The following FHIP1A variants were observed in gnomAD, a reference collection of about 807,000 sequenced individuals.
FHIP1A encodes the protein FHF complex subunit HOOK-interacting protein 1A.
FHIP1A carries 61 observed loss-of-function variants against 88.6 expected under a neutral mutation model. That is an observed-to-expected ratio of 0.69 (90% CI 0.56 to 0.85). The LOEUF (loss-of-function observed/expected upper bound fraction) is 0.85. Ranked by LOEUF, FHIP1A falls within the 40% of genes least tolerant of loss-of-function variation. The pLI is 0.00. For synonymous variants in FHIP1A, 478 were observed against 496.0 expected (o/e 0.96, Z 0.48); for missense variants, 1,154 against 1,273.5 (o/e 0.91, Z 1.43).
At chr4:151,530,976 T>G (rs56301462) in intron 3 of FHIP1A, among the ~76,000 whole-genome samples, 78,820 of 151,830 alleles carry the variant, frequency 0.52, 20,752 homozygotes, top group African/African-American at 0.55. Flanking sequence ...ATTCCCAAAG[T>G]GGGGAGCTGT....
intron 7 of FHIP1A, among the ~76,000 whole-genome samples, chr4:151,620,352 C>CTTTA (rs1735689786): frequency 1.3e-5 from 2 of 152,172 alleles, no homozygotes; most frequent in South Asian, 4.1e-4. Flanking sequence ...CATCTGCTTA[C>CTTTA]CAAACTGTGG....
chr4:151,578,769 CTT>C (rs1733911998), intron 5 of FHIP1A, among the ~76,000 whole-genome samples: 1 of 152,164 alleles, frequency 6.6e-6, no homozygotes, highest in Non-Finnish European at 1.5e-5. Context: ...GTGTTGAAAA[CTT>C]ATGTCCACCC....
intron 3 of FHIP1A, among the ~76,000 whole-genome samples, chr4:151,563,958 T>G (rs1733278477): frequency 7.4e-6 from 1 of 135,064 alleles, no homozygotes. Context: ...GCTTCTGCAC[T>G]CCAGCCTGGT....
chr4:151,574,909 G>A (rs1313328787), intron 4 of FHIP1A, among the ~76,000 whole-genome samples: 2 of 134,432 alleles, frequency 1.5e-5, no homozygotes, highest in East Asian at 2.1e-4. Context: ...TGAGTCAATA[G>A]TATTTTTTTT....
At chr4:151,582,996 A>C (rs1009045623) in intron 5 of FHIP1A, among the ~76,000 whole-genome samples, 6 of 152,188 alleles carry the variant, frequency 3.9e-5, no homozygotes, top group African/African-American at 1.4e-4. Context: ...AGCACTCCGT[A>C]TCCCCTTGGG....
chr4:151,529,299 G>A (rs764111194), intron 3 of FHIP1A, among the ~76,000 whole-genome samples: 3 of 152,184 alleles, frequency 2.0e-5, no homozygotes, highest in Non-Finnish European at 2.9e-5. Context: ...GGAATCAAAA[G>A]GCTGAGGGAT....
At chr4:151,539,773 A>G (rs781631866) in intron 3 of FHIP1A, among the ~76,000 whole-genome samples, 20 of 152,138 alleles carry the variant, frequency 1.3e-4, no homozygotes, top group Non-Finnish European at 2.2e-4. Flanking sequence ...GCATTGTTAC[A>G]GTAATTACAT....
intron 7 of FHIP1A, among the ~76,000 whole-genome samples, chr4:151,620,068 C>T (rs1360765773): frequency 1.3e-5 from 2 of 152,172 alleles, no homozygotes; most frequent in African/African-American, 4.8e-5. Flanking sequence ...AACCTCAAAG[C>T]TTCTTACATG....
chr4:151,624,824 C>T (rs771510591), intron 7 of FHIP1A, among the ~76,000 whole-genome samples: 31 of 152,256 alleles, frequency 2.0e-4, no homozygotes, highest in Non-Finnish European at 3.8e-4. Context: ...GGGGAGCCGA[C>T]GGGAGGGAGC....
intron 3 of FHIP1A, among the ~76,000 whole-genome samples, chr4:151,491,249 C>T (rs2126647328): frequency 6.6e-6 from 1 of 152,250 alleles, no homozygotes; most frequent in South Asian, 2.1e-4. Context: ...GCAAAAACAT[C>T]TGGTGACCTA....
intron 13 of FHIP1A, 100 bp from the exon 14 acceptor site, chr4:151,662,401 A>G (rs1397696164): frequency 2.3e-6 from 3 of 1,293,054 alleles, no homozygotes; most frequent in Non-Finnish European, 3.1e-6. Flanking sequence ...TCATAACTAG[A>G]TACTCTCCAG....
At chr4:151,504,644 C>T (rs77270577) in intron 3 of FHIP1A, among the ~76,000 whole-genome samples, 3,109 of 150,060 alleles carry the variant, frequency 0.021, 109 homozygotes, top group African/African-American at 0.073. Flanking sequence ...TATTTTGAGA[C>T]GGAGTCTTGT....
intron 9 of FHIP1A, among the ~76,000 whole-genome samples, chr4:151,643,649 C>T (rs1450114390): frequency 6.6e-6 from 1 of 152,126 alleles, no homozygotes; most frequent in Non-Finnish European, 1.5e-5. Context: ...CCATGAGATT[C>T]ACTTTTGTAG....
intron 3 of FHIP1A, among the ~76,000 whole-genome samples, chr4:151,497,389 G>GT (rs1240251047): frequency 2.6e-5 from 4 of 151,974 alleles, no homozygotes; most frequent in Non-Finnish European, 4.4e-5. Flanking sequence ...CCAGTCACCT[G>GT]TTTTTTTATG....
At chr4:151,605,264 T>A (rs1735028498) in intron 7 of FHIP1A, among the ~76,000 whole-genome samples, 1 of 152,190 alleles carries the variant, frequency 6.6e-6, no homozygotes, top group Non-Finnish European at 1.5e-5. Context: ...GTTGTTTTGC[T>A]CCTTTTTAAA....
intron 1 of FHIP1A, among the ~76,000 whole-genome samples, chr4:151,452,266 A>G (rs73861820): frequency 0.018 from 2,670 of 152,340 alleles, 74 homozygotes; most frequent in African/African-American, 0.06. Context: ...CCTTCTGTCA[A>G]TGCTCATTTG....
intron 3 of FHIP1A, among the ~76,000 whole-genome samples, chr4:151,550,532 T>A (rs912031983): frequency 1.3e-5 from 2 of 152,214 alleles, no homozygotes; most frequent in African/African-American, 2.4e-5. Flanking sequence ...CTATTAAAGA[T>A]GGAATATTAG....
chr4:151,632,796 A>G (rs1736205866), intron 8 of FHIP1A, among the ~76,000 whole-genome samples: 2 of 152,054 alleles, frequency 1.3e-5, no homozygotes, highest in Non-Finnish European at 1.5e-5. Context: ...TGAAAGCACA[A>G]TATACCCAAA....
At chr4:151,593,569 A>G (rs1298105219) in intron 7 of FHIP1A, among the ~76,000 whole-genome samples, 5 of 151,858 alleles carry the variant, frequency 3.3e-5, no homozygotes, top group African/African-American at 1.2e-4. Context: ...CTGTGTTTCT[A>G]TTATTTATGT....
Sources: allele counts gnomAD v4.1 joint callset (sites outside exome capture counted in the v4.1 genomes callset), GRCh38; gene constraint gnomAD v4.1.1; transcripts MANE v1.5; gene names NCBI Gene and HGNC (gene_info 2026-07-23, HGNC 2026-07-21).